BAG3: variants seen among roughly 807,000 people sequenced by gnomAD.
BAG3 encodes BAG family molecular chaperone regulator 3.
A neutral mutation model predicts 40.5 loss-of-function variants in BAG3; 14 were observed. The observed-to-expected ratio is 0.35, with a 90% confidence interval of 0.23 to 0.54. The LOEUF (loss-of-function observed/expected upper bound fraction) is 0.54, where lower values mean the gene tolerates loss of function less well. Among genes scored for constraint, BAG3 ranks in the 20% least tolerant of loss-of-function variants. BAG3 has a pLI of 0.91. For missense variants in BAG3, 788 were observed against 758.6 expected, an observed-to-expected ratio of 1.04 and a Z score of -0.46; for synonymous variants, 302 against 307.8, an observed-to-expected ratio of 0.98 and a Z score of 0.20.
intron 2 of BAG3, among the ~76,000 whole-genome samples, chr10:119,670,389 G>T (rs1324124048): frequency 6.6e-6 from 1 of 152,234 alleles, no homozygotes; most frequent in Non-Finnish European, 1.5e-5. Flanking sequence ...TCTTCAGTGG[G>T]GCAGGGCAGG....
rs1168934682 is a variant in BAG3 at position 119,677,398 on chromosome 10, A to G, written c.*116A>G. 6.8e-6 allele frequency: 9 copies of G among 1,319,252 alleles called. No individual in the cohort carries two copies. Among genetic ancestry groups the G allele is most frequent in the Non-Finnish European group, 9.6e-6 (9 of 933,384 alleles). The allele number at this position is 1,319,252 out of a possible 1,614,324, so 81.7% of individuals were successfully genotyped here. On this transcript the variant is annotated 3_prime_UTR_variant, in exon 4 of 4. Transcript: ENST00000369085. ...TTTTATTAGCTGCTTGGTATGCAGT[A>G]ACTTGGGTGGAGGCAAAACACTAAT...
In BAG3 at chr10:119,651,594, C is replaced by G. The variant is rs1731103457; in HGVS notation, c.-82C>G. ...GACACGTCGGCGGCGGAGAGGGGCC[C>G]ACGGCGGCGGCCCGGCCAGAGACTC... is the stretch of plus-strand genomic sequence containing the variant. On this transcript the variant is annotated 5_prime_UTR_variant, in exon 1 of 4. Transcript: ENST00000369085. 7.7e-7 allele frequency: 1 copy of G among 1,294,730 alleles called. No individual in the cohort carries two copies. Among genetic ancestry groups the G allele is most frequent in the Non-Finnish European group, 1.0e-6 (1 of 1,003,708 alleles). The allele number at this position is 1,294,730 out of a possible 1,614,324, so 80.2% of individuals were successfully genotyped here. A position where few individuals can be genotyped will look rare whatever the true frequency, so the allele number is the denominator to read the frequency against.
chr10:119,665,145 T>TA (rs1491430544), intron 1 of BAG3, among the ~76,000 whole-genome samples: 28 of 91,104 alleles, frequency 3.1e-4, no homozygotes, highest in South Asian at 2.0e-3. Context: ...TATATATATA[T>TA]TTTTTTTTTT....
At position 119,676,475 on chromosome 10, in the gene BAG3, C is replaced by G. The variant is rs1320956956; in HGVS notation, c.921C>G (p.Thr307=). 2 of 1,613,980 alleles carry G rather than the reference C, an allele frequency of 1.2e-6. No individual in the cohort carries two copies. Among genetic ancestry groups the G allele is most frequent in the Non-Finnish European group, 1.7e-6 (2 of 1,180,006 alleles). Residue 307 remains threonine (T), a synonymous_variant, in exon 4 of 4, where the codon ACC becomes ACG. Transcript: ENST00000369085. ...TGTCCTTTTTTCAGCAGCCCATGAC[C>G]CATCGAGAAACTGCACCTGTTTCCC... ...TVVDRPQQPM[T]HRETAPVSQP... is the part of the protein sequence containing the mutation.
chr10:119,672,170 A>AG lies in BAG3; in HGVS notation c.508-83dup. 1 of 1,539,994 alleles carries AG rather than the reference A, an allele frequency of 6.5e-7. No homozygotes were observed. Among genetic ancestry groups the AG allele is most frequent in the East Asian group, 2.2e-5 (1 of 44,546 alleles). ...TCTTACAATATGGATTGCCCTGAGG[A>AG]GGTGCACAGCAGAAGGCGTGGTCAG... On this transcript the variant is annotated intron_variant, in intron 2 of 3. Coordinates refer to ENST00000369085, the MANE Select transcript of BAG3 (RefSeq NM_004281.4). The surrounding 1 kb of genome is among the most constrained non-coding windows in gnomAD (Gnocchi z 4.8).
intron 3 of BAG3, among the ~76,000 whole-genome samples, chr10:119,673,263 A>G (rs1847178001): frequency 1.3e-5 from 2 of 152,230 alleles, no homozygotes; most frequent in Admixed American, 6.5e-5. Context: ...GTATGAGTTC[A>G]ACATGTCATT....
At chr10:119,657,121 T>A (rs963909614) in intron 1 of BAG3, among the ~76,000 whole-genome samples, 3 of 152,186 alleles carry the variant, frequency 2.0e-5, no homozygotes, top group Non-Finnish European at 4.4e-5. Flanking sequence ...AATGTTGGCC[T>A]GTTTCTTGAA....
chr10:119,655,957 A>G (rs1846904020), intron 1 of BAG3, among the ~76,000 whole-genome samples: 1 of 152,184 alleles, frequency 6.6e-6, no homozygotes, highest in South Asian at 2.1e-4. Context: ...CTTGTGAGTC[A>G]GAAAGCTTCA....
chr10:119,654,549 G>A (rs563349381), intron 1 of BAG3, among the ~76,000 whole-genome samples: 4 of 152,370 alleles, frequency 2.6e-5, no homozygotes, highest in Admixed American at 6.5e-5. Flanking sequence ...GGGGCAGAGC[G>A]AAAGCAAGTA....
chr10:119,672,184 A>C lies in BAG3; in HGVS notation c.508-71A>C. 1.3e-6 allele frequency: 2 copies of C among 1,583,442 alleles called. No individual in the cohort carries two copies. Among genetic ancestry groups the C allele is most frequent in the Non-Finnish European group, 1.7e-6 (2 of 1,161,132 alleles). On this transcript the variant is annotated intron_variant, in intron 2 of 3. Coordinates refer to ENST00000369085, the MANE Select transcript of BAG3 (RefSeq NM_004281.4). This position sits in a 1 kb window ranked among gnomAD's most constrained non-coding sequence, Gnocchi z 4.8. ...TTGCCCTGAGGAGGTGCACAGCAGA[A>C]GGCGTGGTCAGGATGCCAAGCCAGG... is the stretch of plus-strand genomic sequence containing the variant.
chr10:119,669,632 T>C (rs1264385047), intron 1 of BAG3, among the ~76,000 whole-genome samples: 3 of 152,184 alleles, frequency 2.0e-5, no homozygotes, highest in African/African-American at 7.2e-5. Flanking sequence ...CAGATACTTT[T>C]GGCTTTCTCC....
At chr10:119,674,993 A>G (rs1048443963) in intron 3 of BAG3, among the ~76,000 whole-genome samples, 2 of 75,554 alleles carry the variant, frequency 2.6e-5, no homozygotes, top group Non-Finnish European at 6.3e-5. Flanking sequence ...AAAAACAAAA[A>G]CAAAAAGCGT....
intron 1 of BAG3, among the ~76,000 whole-genome samples, chr10:119,652,411 A>G (rs772537725): frequency 3.3e-5 from 5 of 152,352 alleles, no homozygotes; most frequent in East Asian, 3.9e-4. Flanking sequence ...TAGGCACCCA[A>G]TGACTCTGGA....
chr10:119,667,679 C>G (rs1401301307), intron 1 of BAG3, among the ~76,000 whole-genome samples: 1 of 152,174 alleles, frequency 6.6e-6, no homozygotes, highest in African/African-American at 2.4e-5. Context: ...AGGGAGTGCC[C>G]CTTGCTGGTT....
intron 1 of BAG3, among the ~76,000 whole-genome samples, chr10:119,659,325 C>G (rs976263675): frequency 1.3e-5 from 2 of 152,306 alleles, no homozygotes; most frequent in Non-Finnish European, 2.9e-5. Flanking sequence ...GAGGGTCTCC[C>G]TCAGCTGTGT....
chr10:119,652,217 C>T (rs1311674976), intron 1 of BAG3, among the ~76,000 whole-genome samples: 1 of 151,978 alleles, frequency 6.6e-6, no homozygotes, highest in African/African-American at 2.4e-5. Flanking sequence ...TGGTCAGCTC[C>T]GGAGGCCCCG....
intron 3 of BAG3, among the ~76,000 whole-genome samples, chr10:119,673,006 G>A (rs1365913866): frequency 6.6e-6 from 1 of 152,124 alleles, no homozygotes; most frequent in Non-Finnish European, 1.5e-5. Context: ...CGCAGCCACA[G>A]CCTCACCTTG....
At chr10:119,671,577 G>A (rs1754758230) in intron 2 of BAG3, among the ~76,000 whole-genome samples, 2 of 152,288 alleles carry the variant, frequency 1.3e-5, no homozygotes, top group South Asian at 4.1e-4. Context: ...CACATCCCTT[G>A]TATGAGCGCT....
intron 1 of BAG3, among the ~76,000 whole-genome samples, chr10:119,665,138 A>T (rs367580316): frequency 0.2 from 16,109 of 81,180 alleles, 2,254 homozygotes; most frequent in East Asian, 0.31. Flanking sequence ...ATATATATAT[A>T]TATATATTTT....
Sources: allele counts gnomAD v4.1 joint callset (sites outside exome capture counted in the v4.1 genomes callset), GRCh38; gene constraint gnomAD v4.1.1; non-coding constraint Gnocchi (gnomAD v3.1); transcripts MANE v1.5; gene names NCBI Gene and HGNC (gene_info 2026-07-23, HGNC 2026-07-21).